TNS1: variants seen among roughly 807,000 people sequenced by gnomAD.
TNS1 encodes tensin-1.
Under a neutral mutation model 168.6 loss-of-function variants are expected in TNS1, and 62 were observed. That is an observed-to-expected ratio of 0.37 (90% CI 0.30 to 0.45). The LOEUF is 0.45. Ranked by LOEUF, TNS1 falls within the 20% of genes least tolerant of loss-of-function variation. The probability of loss-of-function intolerance (pLI) is 1.00; values close to 1 mark genes in which losing one functional copy is unlikely to be tolerated. For missense variants in TNS1, 2,240 were observed against 2,339.4 expected, an observed-to-expected ratio of 0.96 and a Z score of 0.88; for synonymous variants, 934 against 933.2, an observed-to-expected ratio of 1.00 and a Z score of -0.02.
At chr2:217,923,127 C>T (rs1329502052) in intron 3 of TNS1, among the ~76,000 whole-genome samples, 1 of 152,164 alleles carries the variant, frequency 6.6e-6, no homozygotes, top group African/African-American at 2.4e-5. Context: ...GGAAGCCTCC[C>T]TCTGCAGGGG....
rs1947213824 is a variant in TNS1, at chr2:217,849,789, G to A, written c.1430-702C>T. 3 of 985,440 alleles carry A rather than the reference G, an allele frequency of 3.0e-6. No homozygotes were observed. The South Asian group carries it at 1.4e-4, about 46-fold the overall frequency. 61.0% of individuals were successfully genotyped at this position (985,440 alleles called of 1,614,324 possible). A position where few individuals can be genotyped will look rare whatever the true frequency, so the allele number is the denominator to read the frequency against. ...CAGCATGGACGGCCAGTCGCCCCGA[G>A]GATAGCCTTTGCCCACGGAAGCAGG... On this transcript the variant is annotated intron_variant, in intron 18 of 32. Transcript: ENST00000682258.
At chr2:217,964,060 A>G (rs1426017137) in intron 3 of TNS1, among the ~76,000 whole-genome samples, 6 of 152,194 alleles carry the variant, frequency 3.9e-5, no homozygotes, top group Non-Finnish European at 5.9e-5. Flanking sequence ...CGGCTGGTCC[A>G]GTGGAGAACA....
At chr2:217,832,499 C>T (rs926556631) in intron 21 of TNS1, among the ~76,000 whole-genome samples, 4 of 152,180 alleles carry the variant, frequency 2.6e-5, no homozygotes, top group Non-Finnish European at 5.9e-5. Flanking sequence ...ACATTGGGAG[C>T]CTGCAGAGAC....
intron 22 of TNS1, among the ~76,000 whole-genome samples, chr2:217,828,685 G>A (rs1475757402): frequency 6.6e-6 from 1 of 152,234 alleles, no homozygotes; most frequent in African/African-American, 2.4e-5. Context: ...CTGGTGCCCA[G>A]TGCAGGGCTC....
chr2:217,862,403 C>T lies in TNS1; in HGVS notation c.1430-13316G>A, dbSNP rs1013014252. ...GTATTACTCTGTCTTCAGAGGCAGC[C>T]CAGTATCCCCTGTACCCCCTGAGGT... On this transcript the variant is annotated intron_variant, in intron 18 of 32. Coordinates refer to ENST00000682258, the MANE Select transcript of TNS1 (RefSeq NM_001387777.1). Among the ~76,000 whole-genome samples the T allele has an allele frequency of 6.6e-5, 10 of 152,174 alleles. No individual in the cohort carries two copies. The East Asian group carries it at 1.9e-3, about 29-fold the overall frequency.
rs368071408 is a variant in TNS1 at position 217,829,957 on chromosome 2, G to A, written c.3373+1498C>T. Reference sequence around the variant, plus strand: ...GGGCAGGTGGTGAAGATGAGGAAGAGCAAAAAAGGAAAAAGAGAGAAAGAG... The same window carrying A: ...GGGCAGGTGGTGAAGATGAGGAAGAACAAAAAAGGAAAAAGAGAGAAAGAG... On this transcript the variant is annotated intron_variant, in intron 22 of 32. Coordinates refer to ENST00000682258, the MANE Select transcript of TNS1 (RefSeq NM_001387777.1). 66 of 1,580,734 alleles carry A rather than the reference G, an allele frequency of 4.2e-5. No homozygotes were observed. The African/African-American group carries it at 6.7e-4, about 16-fold the overall frequency.
chr2:217,905,704 T>A (rs943289983), intron 6 of TNS1, among the ~76,000 whole-genome samples: 5 of 152,164 alleles, frequency 3.3e-5, no homozygotes, highest in Non-Finnish European at 7.4e-5. Context: ...AGTCTGCCCC[T>A]GGGGTGTGGA....
At position 217,809,849 on chromosome 2, in the gene TNS1, T is replaced by A. The variant is rs770140388; in HGVS notation, c.5247A>T (p.Gly1749=). 1.2e-6 allele frequency: 2 copies of A among 1,613,914 alleles called. No homozygotes were observed. Among genetic ancestry groups the A allele is most frequent in the Non-Finnish European group, 1.7e-6 (2 of 1,179,934 alleles). Residue 1749 remains glycine (G), a synonymous_variant, in exon 30 of 33, where the codon GGA becomes GGT. Transcript: ENST00000682258. ...TIVHFKVSAQ[G]ITLTDNQRKL... ...TTCTCTGGTTGTCAGTCAGAGTGAT[T>A]CCCTGGGCAGAGACTTTGAAGTGAA... is the stretch of plus-strand genomic sequence containing the variant.
At chr2:217,929,572 T>C (rs1956207265) in intron 3 of TNS1, among the ~76,000 whole-genome samples, 1 of 152,128 alleles carries the variant, frequency 6.6e-6, no homozygotes, top group African/African-American at 2.4e-5. Context: ...GCCCAGGGCA[T>C]GACCCGTCAG....
intron 18 of TNS1, among the ~76,000 whole-genome samples, chr2:217,851,467 A>ACACACG (rs1553565690): frequency 9.9e-5 from 15 of 151,586 alleles, no homozygotes; most frequent in African/African-American, 3.4e-4. Context: ...ACACACACAC[A>ACACACG]CACACACCCC....
chr2:218,000,776 A>C (rs1344890380), intron 1 of TNS1, among the ~76,000 whole-genome samples: 1 of 152,186 alleles, frequency 6.6e-6, no homozygotes, highest in Non-Finnish European at 1.5e-5. Flanking sequence ...GGCCATGGGC[A>C]TCACAGCCAG....
At chr2:217,850,964 G>C (rs920844980) in intron 18 of TNS1, among the ~76,000 whole-genome samples, 1 of 152,202 alleles carries the variant, frequency 6.6e-6, no homozygotes, top group Admixed American at 6.5e-5. Context: ...GAGCCAGACA[G>C]TATTACACCC....
chr2:217,998,913 A>T (rs1021794213), intron 1 of TNS1, among the ~76,000 whole-genome samples: 1 of 152,154 alleles, frequency 6.6e-6, no homozygotes, highest in African/African-American at 2.4e-5. Flanking sequence ...CCCTCTTGGT[A>T]ACACCCATCC....
intron 18 of TNS1, chr2:217,858,371 C>T (rs1559251669): frequency 1.5e-5 from 4 of 267,896 alleles, no homozygotes; most frequent in Non-Finnish European, 2.3e-5. Flanking sequence ...AAGGTGGGGT[C>T]GTGACAGAGC....
chr2:217,843,220 T>C (rs1486147635), intron 19 of TNS1, among the ~76,000 whole-genome samples: 1 of 152,142 alleles, frequency 6.6e-6, no homozygotes, highest in Non-Finnish European at 1.5e-5. Flanking sequence ...TCCTTTATTC[T>C]AATTTCATGA....
chr2:218,015,308 A>G (rs1958747916), upstream of TNS1, among the ~76,000 whole-genome samples: 1 of 152,094 alleles, frequency 6.6e-6, no homozygotes, highest in African/African-American at 2.4e-5. Context: ...GCTTTTCCAT[A>G]GCACAGCCTT....
At chr2:217,846,672 C>T (rs557153609) in intron 19 of TNS1, among the ~76,000 whole-genome samples, 14 of 152,320 alleles carry the variant, frequency 9.2e-5, no homozygotes, top group African/African-American at 3.1e-4. Context: ...TAGGCTTAGA[C>T]CAGTGGGAAG....
intron 11 of TNS1, among the ~76,000 whole-genome samples, chr2:217,891,438 C>T (rs1428893828): frequency 1.3e-5 from 2 of 152,158 alleles, no homozygotes; most frequent in Admixed American, 6.5e-5. Flanking sequence ...AGGGAATATC[C>T]ATAAAGAGCT....
rs116224212 is a variant in TNS1, at chr2:217,833,219, C to T, written c.3281-1672G>A. 5.8e-3 allele frequency among the ~76,000 whole-genome samples: 888 copies of T among 152,318 alleles called. 7 individuals are homozygous for T. Among genetic ancestry groups the T allele is most frequent in the African/African-American group, 0.02 (850 of 41,562 alleles). On this transcript the variant is annotated intron_variant, in intron 21 of 32. Coordinates refer to ENST00000682258, the MANE Select transcript of TNS1 (RefSeq NM_001387777.1). ...TGGGCCCGTGAGGAGGTGAAGCGGA[C>T]GAGAGGACCAGACAGGGCAGGAGCT...
Sources: allele counts gnomAD v4.1 joint callset (sites outside exome capture counted in the v4.1 genomes callset), GRCh38; gene constraint gnomAD v4.1.1; transcripts MANE v1.5; gene names NCBI Gene and HGNC (gene_info 2026-07-23, HGNC 2026-07-21).